ELMO1: variants seen among roughly 807,000 people sequenced by gnomAD.
ELMO1 encodes the protein engulfment and cell motility 1.
A neutral mutation model predicts 98.9 loss-of-function variants in ELMO1; 26 were observed. That is an observed-to-expected ratio of 0.26 (90% CI 0.19 to 0.36). ELMO1 has a LOEUF of 0.36. Among genes scored for constraint, ELMO1 ranks in the 10% least tolerant of loss-of-function variants. ELMO1 has a pLI of 1.00. For missense variants in ELMO1, 627 were observed against 935.2 expected, an observed-to-expected ratio of 0.67 and a Z score of 4.30; for synonymous variants, 346 against 346.0, an observed-to-expected ratio of 1.00 and a Z score of 0.00.
chr7:37,438,751 G>C (rs1416076887), intron 1 of ELMO1, among the ~76,000 whole-genome samples: 1 of 152,122 alleles, frequency 6.6e-6, no homozygotes, highest in East Asian at 1.9e-4. Flanking sequence ...ACCTACACTT[G>C]AAAGATGTGA....
intron 19 of ELMO1, among the ~76,000 whole-genome samples, chr7:36,871,471 G>C (rs1374899922): frequency 6.6e-6 from 1 of 152,216 alleles, no homozygotes; most frequent in East Asian, 1.9e-4. Flanking sequence ...ATAATGCAAA[G>C]TCATCTGCCC....
intron 14 of ELMO1, among the ~76,000 whole-genome samples, chr7:37,108,739 T>G (rs1785073298): frequency 6.6e-6 from 1 of 152,158 alleles, no homozygotes; most frequent in Non-Finnish European, 1.5e-5. Flanking sequence ...GCAGCAGAGT[T>G]GCACATACAG....
chr7:37,411,276 C>T (rs1803982623), intron 1 of ELMO1, among the ~76,000 whole-genome samples: 1 of 152,220 alleles, frequency 6.6e-6, no homozygotes, highest in African/African-American at 2.4e-5. Context: ...TCATTTACCG[C>T]TAGCCGTTGG....
intron 1 of ELMO1, among the ~76,000 whole-genome samples, chr7:37,374,232 C>T (rs1238053329): frequency 2.0e-5 from 3 of 152,216 alleles, no homozygotes; most frequent in Non-Finnish European, 2.9e-5. Flanking sequence ...TGAACATCAG[C>T]TCAGGGTCAC....
chr7:36,870,626 C>A lies in ELMO1; in HGVS notation c.1823-151G>T. On this transcript the variant is annotated intron_variant, in intron 19 of 21. Transcript: ENST00000310758. This position sits in a 1 kb window ranked among gnomAD's most constrained non-coding sequence, Gnocchi z 4.4. ...AGAGTGTTGAAAAGAGGAAGAGAAG[C>A]CAGGTAGTGTCCCAGGATTAGAAAC... 1.4e-6 allele frequency: 1 copy of A among 709,214 alleles called. No homozygotes were observed. Among genetic ancestry groups the A allele is most frequent in the Non-Finnish European group, 2.3e-6 (1 of 442,626 alleles). The allele number at this position is 709,214 out of a possible 1,614,324, so 43.9% of individuals were successfully genotyped here.
chr7:37,055,088 A>T (rs1380769657), intron 15 of ELMO1, among the ~76,000 whole-genome samples: 1 of 152,262 alleles, frequency 6.6e-6, no homozygotes, highest in Non-Finnish European at 1.5e-5. Flanking sequence ...CCCTTCAGCC[A>T]TGTCAAAAAG....
intron 20 of ELMO1, among the ~76,000 whole-genome samples, chr7:36,869,716 T>G (rs1014263750): frequency 1.3e-5 from 2 of 152,210 alleles, no homozygotes; most frequent in African/African-American, 4.8e-5. Flanking sequence ...TCTTCTGTCT[T>G]TTCAAATAAT....
intron 13 of ELMO1, among the ~76,000 whole-genome samples, chr7:37,148,935 T>C (rs1199111962): frequency 2.0e-5 from 3 of 152,222 alleles, no homozygotes; most frequent in Non-Finnish European, 1.5e-5. Flanking sequence ...GCACAGGCTA[T>C]GATGTCCAAC....
chr7:37,050,608 GAA>G (rs1491216206), intron 15 of ELMO1, among the ~76,000 whole-genome samples: 1 of 88,142 alleles, frequency 1.1e-5, no homozygotes, highest in Non-Finnish European at 2.2e-5. Context: ...TAGGTGCTCT[GAA>G]CACACACACA....
intron 14 of ELMO1, among the ~76,000 whole-genome samples, chr7:37,097,102 A>G (rs1040841448): frequency 6.6e-6 from 1 of 152,172 alleles, no homozygotes; most frequent in African/African-American, 2.4e-5. Flanking sequence ...CTGTGACTTC[A>G]GTCTCAAACT....
chr7:37,380,647 C>T (rs892196851), intron 1 of ELMO1, among the ~76,000 whole-genome samples: 4 of 152,236 alleles, frequency 2.6e-5, no homozygotes, highest in African/African-American at 9.6e-5. Context: ...TTTGCCAACA[C>T]TAAATGATCG....
At position 37,166,731 on chromosome 7, in the gene ELMO1, A is replaced by G. The variant is rs563039183; in HGVS notation, c.1087-33497T>C. ...TTTCTTATAATTTCTGCTCTTTTAC[A>G]TTTGATGAGGAGAGCTTTACTTCCA... On this transcript the variant is annotated intron_variant, in intron 13 of 21. Transcript: ENST00000310758. Among the ~76,000 whole-genome samples the G allele has an allele frequency of 6.6e-3, 1,007 of 152,190 alleles. 6 individuals carry two copies. The highest frequency in any genetic ancestry group is 0.011 in the Non-Finnish European group (716 of 68,012).
chr7:37,305,189 A>C (rs756268120), intron 4 of ELMO1, among the ~76,000 whole-genome samples: 2 of 152,198 alleles, frequency 1.3e-5, no homozygotes, highest in African/African-American at 2.4e-5. Context: ...GGGTGAAATA[A>C]AGTAAAACTC....
chr7:37,139,614 T>G (rs1015980679), intron 13 of ELMO1, among the ~76,000 whole-genome samples: 42 of 152,250 alleles, frequency 2.8e-4, no homozygotes, highest in African/African-American at 9.6e-4. Flanking sequence ...ATGGGTAGAA[T>G]CAATATTGTG....
At chr7:37,068,519 A>G (rs185462624) in intron 15 of ELMO1, among the ~76,000 whole-genome samples, 28 of 152,302 alleles carry the variant, frequency 1.8e-4, no homozygotes, top group South Asian at 8.3e-4. Context: ...CCACTCTGTT[A>G]AGGCAGATGA....
intron 16 of ELMO1, among the ~76,000 whole-genome samples, chr7:36,900,375 T>A (rs1806401929): frequency 6.6e-6 from 1 of 152,218 alleles, no homozygotes; most frequent in African/African-American, 2.4e-5. Flanking sequence ...TAATACAATG[T>A]ATCCCAGAGT....
At chr7:37,303,471 A>T (rs1008990764) in intron 4 of ELMO1, among the ~76,000 whole-genome samples, 1 of 152,212 alleles carries the variant, frequency 6.6e-6, no homozygotes, top group Non-Finnish European at 1.5e-5. Flanking sequence ...CTCATTTTAG[A>T]AGTATAAAAA....
rs186311619 is a variant in ELMO1, at chr7:36,903,978, T to G, written c.1438-8961A>C. On this transcript the variant is annotated intron_variant, in intron 16 of 21. Transcript: ENST00000310758. ...GGTCCCTCAGACACCACCTGCTACT[T>G]GAGGCCAGACCACTCCCCCTGGGCT... is the stretch of plus-strand genomic sequence containing the variant. Among the ~76,000 whole-genome samples, 25 of 152,304 alleles carry G rather than the reference T, an allele frequency of 1.6e-4. No individual in the cohort carries two copies. The East Asian group carries it at 2.9e-3, about 18-fold the overall frequency.
chr7:37,103,155 TCAC>T, intron 14 of ELMO1, among the ~76,000 whole-genome samples: 1 of 152,226 alleles, frequency 6.6e-6, no homozygotes, highest in Non-Finnish European at 1.5e-5. Context: ...GATACTACTA[TCAC>T]CATAATAATT....
Sources: gnomAD v4.1 joint callset for allele counts (sites outside exome capture counted in the v4.1 genomes callset) on GRCh38, gnomAD v4.1.1 for gene constraint, Gnocchi (gnomAD v3.1) non-coding constraint, MANE v1.5 for transcripts, NCBI Gene and HGNC (gene_info 2026-07-23, HGNC 2026-07-21) for gene names.